ZFHX3: variants seen among roughly 807,000 people sequenced by gnomAD.
ZFHX3 encodes zinc finger homeobox protein 3.
Under a neutral mutation model 279.1 loss-of-function variants are expected in ZFHX3, and 42 were observed. The observed-to-expected ratio is 0.15, with a 90% CI of 0.12 to 0.19. The LOEUF (loss-of-function observed/expected upper bound fraction) is 0.19. ZFHX3 is among the 10% of genes least tolerant of loss of function. The pLI, the probability that ZFHX3 is intolerant of heterozygous loss-of-function variation, is 1.00. For synonymous variants in ZFHX3, 2,293 were observed against 1,957.8 expected (o/e 1.17, Z -4.52); for missense variants, 4,981 against 4,754.0 (o/e 1.05, Z -1.40).
At chr16:73,401,036 C>G (rs1483468860) in intron 3 of ZFHX3, 1 of 151,976 alleles carries the variant, frequency 6.6e-6, no homozygotes. Context: ...GGAAGAAGGG[C>G]GGAACTGGGA....
intron 1 of ZFHX3, 40 bp from the exon 2 acceptor site, chr16:72,960,234 A>G: frequency 6.9e-7 from 1 of 1,450,678 alleles, no homozygotes; most frequent in Non-Finnish European, 9.2e-7. Context: ...GAGAGAGGGG[A>G]AAGAGAGAGA....
At chr16:73,024,309 C>A (rs1391440881) in intron 1 of ZFHX3, among the ~76,000 whole-genome samples, 1 of 152,134 alleles carries the variant, frequency 6.6e-6, no homozygotes, top group Non-Finnish European at 1.5e-5. Context: ...GGAGAAACTT[C>A]CAGATGGGAG....
intron 1 of ZFHX3, among the ~76,000 whole-genome samples, chr16:73,004,067 A>C (rs1963604961): frequency 6.8e-6 from 1 of 147,694 alleles, no homozygotes; most frequent in Non-Finnish European, 1.5e-5. Flanking sequence ...GGCAGCCTAG[A>C]TTTATTCTTC....
intron 1 of ZFHX3, among the ~76,000 whole-genome samples, chr16:73,055,543 T>G (rs953602145): frequency 6.6e-6 from 1 of 152,124 alleles, no homozygotes; most frequent in Non-Finnish European, 1.5e-5. Flanking sequence ...TGGGTCAGAT[T>G]CAAACTCAAT....
At chr16:73,080,509 T>G (rs745996974) in intron 8 of ZFHX3, among the ~76,000 whole-genome samples, 1 of 152,214 alleles carries the variant, frequency 6.6e-6, no homozygotes, top group Non-Finnish European at 1.5e-5. Context: ...CACCTCAAAC[T>G]TGAATCTGAC....
chr16:73,876,425 T>C lies in ZFHX3; in HGVS notation c.-1608+15226A>G, dbSNP rs140491147. The stretch of plus-strand genomic sequence containing the variant: ...CTAATATATTTAATACATTTACTTG[T>C]ATTCAGACCACATGCATATTAAATG... On this transcript the variant is annotated intron_variant, in intron 1 of 17. Transcript: ENST00000641206. Among the ~76,000 whole-genome samples the C allele has an allele frequency of 5.8e-3, 887 of 152,342 alleles. 6 individuals are homozygous for C. Among genetic ancestry groups the C allele is most frequent in the African/African-American group, 0.02 (824 of 41,582 alleles).
chr16:72,871,008 C>G (rs973569139), intron 4 of ZFHX3, among the ~76,000 whole-genome samples: 1 of 152,072 alleles, frequency 6.6e-6, no homozygotes, highest in Non-Finnish European at 1.5e-5. Flanking sequence ...GTGTATATTT[C>G]TATTTATTCT....
chr16:73,025,637 G>A (rs1964470635), intron 1 of ZFHX3, among the ~76,000 whole-genome samples: 1 of 152,076 alleles, frequency 6.6e-6, no homozygotes. Context: ...AGGCACCCCT[G>A]GGCTGCAGGT....
chr16:73,723,041 T>G (rs1221020068), intron 1 of ZFHX3, among the ~76,000 whole-genome samples: 1 of 152,180 alleles, frequency 6.6e-6, no homozygotes, highest in African/African-American at 2.4e-5. Context: ...AGTGCAAATG[T>G]TCTCCTTTCC....
At chr16:73,690,234 C>T (rs747365862) in intron 1 of ZFHX3, among the ~76,000 whole-genome samples, 1 of 152,142 alleles carries the variant, frequency 6.6e-6, no homozygotes, top group Non-Finnish European at 1.5e-5. Flanking sequence ...CAAGGTTTTA[C>T]ATCCATCCCA....
At chr16:73,185,491 T>G (rs1442175473) in intron 5 of ZFHX3, among the ~76,000 whole-genome samples, 2 of 152,102 alleles carry the variant, frequency 1.3e-5, no homozygotes, top group African/African-American at 2.4e-5. Context: ...ATATATACAG[T>G]GTTTGCTTTA....
intron 2 of ZFHX3, among the ~76,000 whole-genome samples, chr16:73,535,169 T>C (rs1230740547): frequency 6.6e-6 from 1 of 152,200 alleles, no homozygotes; most frequent in East Asian, 1.9e-4. Flanking sequence ...GTACAATAAG[T>C]AGCACCCCAT....
chr16:73,071,706 T>C (rs926667924), intron 8 of ZFHX3, among the ~76,000 whole-genome samples: 1 of 152,232 alleles, frequency 6.6e-6, no homozygotes, highest in Non-Finnish European at 1.5e-5. Flanking sequence ...GCTTTCTTGG[T>C]GCACGTGGGC....
chr16:73,085,324 C>G (rs1361574901), intron 8 of ZFHX3, among the ~76,000 whole-genome samples: 1 of 152,154 alleles, frequency 6.6e-6, no homozygotes, highest in Non-Finnish European at 1.5e-5. Flanking sequence ...TGTAATGGCA[C>G]AATCTTGGCT....
chr16:73,530,228 G>A (rs1339592189), intron 2 of ZFHX3, among the ~76,000 whole-genome samples: 1 of 152,124 alleles, frequency 6.6e-6, no homozygotes, highest in Admixed American at 6.5e-5. Flanking sequence ...GATCTCGTGA[G>A]ACTTATTCAC....
chr16:72,907,516 G>A (rs554884778), intron 3 of ZFHX3, among the ~76,000 whole-genome samples: 7 of 147,802 alleles, frequency 4.7e-5, no homozygotes, highest in South Asian at 4.3e-4. Context: ...CAGCTCTACC[G>A]GTTCTCGGTT....
At chr16:73,562,059 T>A (rs1394287036) in intron 2 of ZFHX3, among the ~76,000 whole-genome samples, 2 of 152,214 alleles carry the variant, frequency 1.3e-5, no homozygotes, top group Non-Finnish European at 2.9e-5. Context: ...TGTTTTAGCA[T>A]CCAAGTGGGA....
chr16:73,178,197 G>A (rs1045056804), intron 5 of ZFHX3, among the ~76,000 whole-genome samples: 3 of 151,842 alleles, frequency 2.0e-5, no homozygotes, highest in Admixed American at 6.6e-5. Context: ...GAGTACAGTG[G>A]TGTGATCCTG....
At chr16:73,021,235 G>A (rs1347567120) in intron 1 of ZFHX3, among the ~76,000 whole-genome samples, 2 of 152,194 alleles carry the variant, frequency 1.3e-5, no homozygotes, top group African/African-American at 2.4e-5. Context: ...TCGAGGAAAC[G>A]GGGCTCGAGG....
Sources: gnomAD v4.1 joint callset for allele counts (sites outside exome capture counted in the v4.1 genomes callset) on GRCh38, gnomAD v4.1.1 for gene constraint, MANE v1.5 for transcripts, NCBI Gene and HGNC (gene_info 2026-07-23, HGNC 2026-07-21) for gene names.